Variants in ZNF395 observed in about 807,000 individuals in gnomAD.
The protein encoded by ZNF395 is HD gene regulatory region-binding protein 2.
ZNF395 carries 20 observed loss-of-function variants against 57.7 expected under a neutral mutation model. The ratio of observed to expected loss-of-function variants is 0.35; its 90% CI spans 0.24 to 0.50. ZNF395 has a LOEUF of 0.50. Among genes scored for constraint, ZNF395 ranks in the 20% least tolerant of loss-of-function variants. The pLI is 0.97. For missense variants in ZNF395, 606 were observed against 671.2 expected (o/e 0.90, Z 1.07); for synonymous variants, 295 against 275.9 (o/e 1.07, Z -0.69).
chr8:28,356,546 T>G lies in ZNF395; in HGVS notation c.583+124A>C. 1 of 647,176 alleles carries G rather than the reference T, an allele frequency of 1.5e-6. No individual in the cohort carries two copies. Among genetic ancestry groups the G allele is most frequent in the East Asian group, 2.9e-5 (1 of 34,926 alleles). The allele number at this position is 647,176 out of a possible 1,614,324, so 40.1% of individuals were successfully genotyped here. A position where few individuals can be genotyped will look rare whatever the true frequency, so the allele number is the denominator to read the frequency against. ...GCATGCAGCCGGTCAGAGGTGCCAG[T>G]GGGAGGTGTCCCTGGACATTCTATT... On this transcript the variant is annotated intron_variant, in intron 4 of 9. Transcript: ENST00000344423. The surrounding 1 kb of genome is among the most constrained non-coding windows in gnomAD (Gnocchi z 4.0).
chr8:28,354,292 C>T (rs767485703), intron 4 of ZNF395, among the ~76,000 whole-genome samples: 1 of 152,200 alleles, frequency 6.6e-6, no homozygotes, highest in East Asian at 1.9e-4. Context: ...ACTCTCACTC[C>T]TTGGCCAAAA....
At chr8:28,378,360 C>T (rs1364840831) in intron 1 of ZNF395, among the ~76,000 whole-genome samples, 1 of 152,210 alleles carries the variant, frequency 6.6e-6, no homozygotes, top group Non-Finnish European at 1.5e-5. Flanking sequence ...CGACATCAGC[C>T]TCCTAAGAGC....
intron 1 of ZNF395, chr8:28,365,325 T>A (rs1208125084): frequency 6.6e-6 from 1 of 152,278 alleles, no homozygotes; most frequent in Non-Finnish European, 1.5e-5. Flanking sequence ...TGCTGCCTCA[T>A]AATCACTCCG....
At chr8:28,365,113 C>G (rs1801895552) in intron 1 of ZNF395, among the ~76,000 whole-genome samples, 2 of 152,182 alleles carry the variant, frequency 1.3e-5, no homozygotes, top group African/African-American at 2.4e-5. Context: ...CCAGGCTGGG[C>G]AGCATCACCA....
Position 28,350,115 on chromosome 8 carries a change from G to A in ZNF395, c.1275C>T (p.Tyr425=), listed in dbSNP as rs1801662443. 3 of 1,609,180 alleles carry A rather than the reference G, an allele frequency of 1.9e-6. No homozygotes were observed. In the South Asian group the frequency reaches 3.3e-5, roughly 18 times the overall value. ...SFQIPVSPHI[Y]TSVSWAAAPS... ...GGGCAGCAGCCCAGCTGACACTGGT[G>A]TAGATGTGTGGTGAGACTGGGATCT... The change falls in exon 8 of 10, where the codon TAC becomes TAT. Residue 425 remains tyrosine (Y), a synonymous_variant. Coordinates refer to ENST00000344423, the MANE Select transcript of ZNF395 (RefSeq NM_018660.3).
At chr8:28,357,929 A>G (rs1455263183) in intron 3 of ZNF395, among the ~76,000 whole-genome samples, 1 of 152,164 alleles carries the variant, frequency 6.6e-6, no homozygotes, top group Admixed American at 6.5e-5. Flanking sequence ...AGCATATAAC[A>G]TAGAAATTAG....
chr8:28,349,086 C>T (rs1049888654), intron 9 of ZNF395, 39 bp downstream of exon 9: 2 of 1,549,180 alleles, frequency 1.3e-6, no homozygotes, highest in Non-Finnish European at 1.7e-6. Context: ...AGACAGGGCA[C>T]AGAAACCAGA....
chr8:28,354,890 G>A (rs1346295052), intron 4 of ZNF395, among the ~76,000 whole-genome samples: 3 of 151,324 alleles, frequency 2.0e-5, no homozygotes, highest in Non-Finnish European at 4.4e-5. Flanking sequence ...AGGACTCCGG[G>A]ACAAAGAGCA....
intron 3 of ZNF395, among the ~76,000 whole-genome samples, chr8:28,358,151 CTTTTTTTTT>C (rs746800075): frequency 7.9e-5 from 8 of 101,122 alleles, no homozygotes; most frequent in South Asian, 6.4e-4. Flanking sequence ...TCTTTTTTTT[CTTTTTTTTT>C]TTTTTTTTTT....
rs572721906 is a variant in ZNF395, at chr8:28,351,864, C to T, written c.921-57G>A. ...GGCACCCTGCCCCCTTCAAACCCAG[C>T]GGGGACCGCGGTAGGGAGGGAAGTG... On this transcript the variant is annotated intron_variant, in intron 6 of 9. Coordinates refer to ENST00000344423, the MANE Select transcript of ZNF395 (RefSeq NM_018660.3). 1.5e-4 allele frequency: 220 copies of T among 1,494,650 alleles called. No individual in the cohort carries two copies. In the African/African-American group the frequency reaches 2.6e-3, roughly 18 times the overall value. 92.6% of individuals were successfully genotyped at this position (1,494,650 alleles called of 1,614,324 possible). A position where few individuals can be genotyped will look rare whatever the true frequency, so the allele number is the denominator to read the frequency against.
intron 1 of ZNF395, 39 bp from the exon 2 acceptor site, chr8:28,361,221 C>T (rs1383499119): frequency 1.3e-6 from 2 of 1,551,980 alleles, no homozygotes; most frequent in Non-Finnish European, 1.8e-6. Context: ...GAGCCCCACA[C>T]AGCAGGAGCC....
rs763549561 is a variant in ZNF395 at position 28,352,524 on chromosome 8, G to A, written c.920+49C>T. 6 of 1,539,192 alleles carry A rather than the reference G, an allele frequency of 3.9e-6. No individual in the cohort carries two copies. In the South Asian group the frequency reaches 6.7e-5, roughly 17 times the overall value. ...GGTCACAGGGACTCGGCAGGGTGGA[G>A]GGACACCCACACGCGACCCTAGGCT... On this transcript the variant is annotated intron_variant, in intron 6 of 9. Transcript: ENST00000344423. This position sits in a 1 kb window ranked among gnomAD's most constrained non-coding sequence, Gnocchi z 4.0.
intron 1 of ZNF395, among the ~76,000 whole-genome samples, chr8:28,367,715 T>C (rs765531620): frequency 6.6e-5 from 10 of 152,134 alleles, no homozygotes; most frequent in Non-Finnish European, 1.0e-4. Flanking sequence ...CCTTGGCACA[T>C]AGTGAGGGCT....
chr8:28,360,788 G>A (rs971569525), intron 2 of ZNF395, 97 bp downstream of exon 2: 53 of 1,517,158 alleles, frequency 3.5e-5, no homozygotes, highest in Non-Finnish European at 4.2e-5. Context: ...CACTCAAAAC[G>A]GTGCCCAGAG....
Position 28,361,137 on chromosome 8 carries a change from C to T in ZNF395, c.-13G>A. 1 of 1,611,058 alleles carries T rather than the reference C, an allele frequency of 6.2e-7. No individual in the cohort carries two copies. The highest frequency in any genetic ancestry group is 8.5e-7 in the Non-Finnish European group (1 of 1,180,016). On this transcript the variant is annotated 5_prime_UTR_variant, in exon 2 of 10. Transcript: ENST00000344423. ...GGACACTCGCCATGCTGCTGCCTCT[C>T]CTCTCCTGCGGAGGCGAAGGGGACA...
In ZNF395 at chr8:28,356,536, G is replaced by A. The variant is rs2129951192; in HGVS notation, c.583+134C>T. ...TAACTCCATGGCATGCAGCCGGTCA[G>A]AGGTGCCAGTGGGAGGTGTCCCTGG... is the stretch of plus-strand genomic sequence containing the variant. On this transcript the variant is annotated intron_variant, in intron 4 of 9. Transcript: ENST00000344423. The surrounding 1 kb of genome is among the most constrained non-coding windows in gnomAD (Gnocchi z 4.0). The A allele has an allele frequency of 4.8e-6, 3 of 621,938 alleles. No individual in the cohort carries two copies. Among genetic ancestry groups the A allele is most frequent in the East Asian group, 2.9e-5 (1 of 34,768 alleles). The allele number at this position is 621,938 out of a possible 1,614,324, so 38.5% of individuals were successfully genotyped here.
chr8:28,365,582 A>G (rs1801900823), intron 1 of ZNF395: 1 of 152,140 alleles, frequency 6.6e-6, no homozygotes, highest in Non-Finnish European at 1.5e-5. Flanking sequence ...CCACTTTATG[A>G]TTTTACATTC....
intron 5 of ZNF395, 124 bp downstream of exon 5, chr8:28,353,049 C>T (rs774738689): frequency 6.1e-5 from 52 of 845,780 alleles, no homozygotes; most frequent in Non-Finnish European, 8.9e-5. Context: ...AATAAAAAAC[C>T]GAAATGGGAG....
At chr8:28,384,790 C>T (rs2130005417) in intron 1 of ZNF395, among the ~76,000 whole-genome samples, 1 of 152,358 alleles carries the variant, frequency 6.6e-6, no homozygotes, top group South Asian at 2.1e-4. Flanking sequence ...CCCTCTCCAG[C>T]ATCTCCACTA....
Sources: gnomAD v4.1 joint callset for allele counts (sites outside exome capture counted in the v4.1 genomes callset) on GRCh38, gnomAD v4.1.1 for gene constraint, Gnocchi (gnomAD v3.1) non-coding constraint, MANE v1.5 for transcripts, NCBI Gene and HGNC (gene_info 2026-07-23, HGNC 2026-07-21) for gene names.